The following ZDHHC1 variants were observed in gnomAD, a reference collection of about 807,000 sequenced individuals.
ZDHHC1 encodes the protein palmitoyltransferase ZDHHC1.
ZDHHC1 carries 45 observed loss-of-function variants against 46.9 expected under a neutral mutation model. The observed-to-expected ratio is 0.96, with a 90% CI of 0.76 to 1.23. The LOEUF is 1.23. ZDHHC1 is among the 50% of genes most tolerant of loss of function. ZDHHC1 has a pLI of 0.00. For synonymous variants in ZDHHC1, 291 were observed against 286.0 expected, an observed-to-expected ratio of 1.02 and a Z score of -0.18; for missense variants, 649 against 670.8, an observed-to-expected ratio of 0.97 and a Z score of 0.36.
chr16:67,400,726 A>T (rs2040535490), intron 4 of ZDHHC1, among the ~76,000 whole-genome samples: 1 of 152,212 alleles, frequency 6.6e-6, no homozygotes, highest in Non-Finnish European at 1.5e-5. Context: ...ATGTTTGGGC[A>T]GGGCCAAATG....
At chr16:67,399,513 G>C (rs908814309) in intron 4 of ZDHHC1, 57 bp from the exon 5 acceptor site, 1 of 1,471,006 alleles carries the variant, frequency 6.8e-7, no homozygotes, top group East Asian at 2.4e-5. Context: ...TCTGCGGCCC[G>C]GCCGGTCGGG....
chr16:67,414,907 TGGCTGG>T (rs1488211818), intron 1 of ZDHHC1, among the ~76,000 whole-genome samples: 25 of 152,298 alleles, frequency 1.6e-4, no homozygotes, highest in Non-Finnish European at 8.8e-5. Flanking sequence ...GAGGCCAAGG[TGGCTGG>T]ATCACCTGAG....
intron 8 of ZDHHC1, among the ~76,000 whole-genome samples, chr16:67,396,477 G>A (rs558307652): frequency 6.6e-6 from 1 of 152,200 alleles, no homozygotes; most frequent in South Asian, 2.1e-4. Context: ...ATGCAGAGAG[G>A]ACACTGTAAC....
rs1174435000 is a variant in ZDHHC1, at chr16:67,395,142, T to C, written c.1104+45A>G. 2.5e-6 allele frequency: 4 copies of C among 1,613,108 alleles called. No individual in the cohort carries two copies. The highest frequency in any genetic ancestry group is 3.4e-6 in the Non-Finnish European group (4 of 1,179,966). ...GAGCGCCAGGGTAGAGGCTTCTTTC[T>C]ATCCCACTCCACCTGGACCGGAGGC... On this transcript the variant is annotated intron_variant, in intron 10 of 11. Coordinates refer to ENST00000565726, the MANE Select transcript of ZDHHC1 (RefSeq NM_001323627.2).
rs1305982888 is a variant in ZDHHC1 at position 67,394,523 on chromosome 16, A to G, written c.*87T>C. 5.5e-6 allele frequency: 6 copies of G among 1,100,732 alleles called. No homozygotes were observed. The highest frequency in any genetic ancestry group is 3.3e-6 in the Non-Finnish European group (3 of 901,270). The allele number at this position is 1,100,732 out of a possible 1,614,324, so 68.2% of individuals were successfully genotyped here. A position where few individuals can be genotyped will look rare whatever the true frequency, so the allele number is the denominator to read the frequency against. On this transcript the variant is annotated 3_prime_UTR_variant, in exon 12 of 12. Coordinates refer to ENST00000565726, the MANE Select transcript of ZDHHC1 (RefSeq NM_001323627.2). ...GATCCCGCCGGCCGTAGGGGCCCCT[A>G]AAGTGCACTCGGTGCGGCAAGGATG... is the stretch of plus-strand genomic sequence containing the variant.
chr16:67,395,464 C>A lies in ZDHHC1; in HGVS notation c.1010+20G>T, dbSNP rs754736014. 4 of 1,551,312 alleles carry A rather than the reference C, an allele frequency of 2.6e-6. No homozygotes were observed. In the South Asian group the frequency reaches 4.8e-5, roughly 18 times the overall value. On this transcript the variant is annotated intron_variant, in intron 9 of 11. Coordinates refer to ENST00000565726, the MANE Select transcript of ZDHHC1 (RefSeq NM_001323627.2). ...TGCTAACTGGAGATGCCCAGTGGCA[C>A]ATGCCCAGGTTGCACTCACTTGGCA... is the stretch of plus-strand genomic sequence containing the variant.
chr16:67,397,270 C>G (rs2040451586), intron 8 of ZDHHC1, among the ~76,000 whole-genome samples: 2 of 152,366 alleles, frequency 1.3e-5, no homozygotes, highest in Middle Eastern at 6.8e-3. Flanking sequence ...CTCCTGCCTA[C>G]TTCTCTGGGC....
At position 67,401,315 on chromosome 16, in the gene ZDHHC1, C is replaced by T. The variant is rs1455397740; in HGVS notation, c.253-183G>A. Among the ~76,000 whole-genome samples, 1 of 152,214 alleles carries T rather than the reference C, an allele frequency of 6.6e-6. No individual in the cohort carries two copies. Among genetic ancestry groups the T allele is most frequent in the East Asian group, 1.9e-4 (1 of 5,196 alleles). ...AGACCTCTCCAGGTAACCCCTATGC[C>T]CCAAATGGAAAGAGGGAGAGGCCAT... is the stretch of plus-strand genomic sequence containing the variant. On this transcript the variant is annotated intron_variant, in intron 3 of 11. Transcript: ENST00000565726. This position sits in a 1 kb window ranked among gnomAD's most constrained non-coding sequence, Gnocchi z 4.6.
In ZDHHC1 at chr16:67,398,681, C is replaced by G; in HGVS notation, c.706G>C (p.Val236Leu). The change falls in exon 7 of 12, where the codon GTG becomes CTG. Residue 236 changes from valine (V) to leucine (L), a missense_variant. Physicochemically the swap from Val to Leu is conservative, Grantham distance 32. Transcript: ENST00000565726. ...VWFVFLPAAP[V>L]ETQAPAILAL... ...AGGATGGCAGGGGCCTGGGTCTCCA[C>G]GGGGGCGGCAGGCAGGAACACGAAC... The G allele has an allele frequency of 6.2e-7, 1 of 1,607,824 alleles. No individual in the cohort carries two copies. The highest frequency in any genetic ancestry group is 8.5e-7 in the Non-Finnish European group (1 of 1,177,980).
Position 67,398,687 on chromosome 16 carries a change from C to A in ZDHHC1, c.700G>T (p.Ala234Ser). 6.2e-7 allele frequency: 1 copy of A among 1,608,080 alleles called. No homozygotes were observed. The highest frequency in any genetic ancestry group is 8.5e-7 in the Non-Finnish European group (1 of 1,178,136). Residue 234 changes from alanine to serine, a missense_variant, in exon 7 of 12, where the codon GCC (alanine) becomes TCC (serine). Transcript: ENST00000565726. ...GCAGGGGCCTGGGTCTCCACGGGGGCGGCAGGCAGGAACACGAACCACACA... is the reference window on the plus strand; with the variant it reads ...GCAGGGGCCTGGGTCTCCACGGGGGAGGCAGGCAGGAACACGAACCACACA... Reference protein sequence around the residue: ...TDVWFVFLPAAPVETQAPAIL... With the variant: ...TDVWFVFLPASPVETQAPAIL...
rs372499395 is a variant in ZDHHC1, at chr16:67,394,891, G to A, written c.1168C>T (p.Pro390Ser). The A allele has an allele frequency of 2.3e-4, 365 of 1,562,674 alleles. 4 individuals carry two copies. In the South Asian group the frequency reaches 3.7e-3, roughly 16 times the overall value. Residue 390 changes from proline (P) to serine (S), a missense_variant and splice_region_variant, in exon 12 of 12, where the codon CCT (proline) becomes TCT (serine). Physicochemically the swap from Pro to Ser is moderately conservative, Grantham distance 74. Coordinates refer to ENST00000565726, the MANE Select transcript of ZDHHC1 (RefSeq NM_001323627.2). ...TSETSDPASG[P>S]RAPSRRSSSS... ...CTGGAGCGGCGGCTGGGGGCCCTAG[G>A]CCCTGCGCAAGGGAAGGGAACATGA...
Position 67,394,657 on chromosome 16 carries a change from T to A in ZDHHC1, c.1402A>T (p.Ser468Cys). Residue 468 changes from serine (S) to cysteine (C), a missense_variant, in exon 12 of 12, where the codon AGC (serine) becomes TGC (cysteine). Transcript: ENST00000565726. ...CCGCCCGGCGCCCTGGGCTCGCCGC[T>A]GCTCGGGCTCACGAAAACGGCGGGC... Reference protein sequence around the residue: ...RAPAVFVSPSSGEPRAPGGRE... With the variant: ...RAPAVFVSPSCGEPRAPGGRE... 1 of 1,238,222 alleles carries A rather than the reference T, an allele frequency of 8.1e-7. No homozygotes were observed. Among genetic ancestry groups the A allele is most frequent in the Non-Finnish European group, 1.0e-6 (1 of 992,692 alleles). The allele number at this position is 1,238,222 out of a possible 1,614,324, so 76.7% of individuals were successfully genotyped here.
chr16:67,399,507 C>T (rs375270831), intron 4 of ZDHHC1, 51 bp from the exon 5 acceptor site: 221 of 1,500,728 alleles, frequency 1.5e-4, no homozygotes, highest in Non-Finnish European at 1.9e-4. Flanking sequence ...CCCCGCTCTG[C>T]GGCCCGGCCG....
intron 1 of ZDHHC1, among the ~76,000 whole-genome samples, chr16:67,412,167 GCA>G: frequency 6.6e-6 from 1 of 151,782 alleles, no homozygotes; most frequent in East Asian, 1.9e-4. Flanking sequence ...ATTCCTATAC[GCA>G]CAGATTTTCT....
chr16:67,403,616 T>G (rs1441768169), intron 3 of ZDHHC1, among the ~76,000 whole-genome samples: 1 of 141,598 alleles, frequency 7.1e-6, no homozygotes, highest in Non-Finnish European at 1.5e-5. Context: ...TTGTTTTTTG[T>G]TTTTTTTTTT....
At chr16:67,414,918 C>A (rs558955607) in intron 1 of ZDHHC1, among the ~76,000 whole-genome samples, 2 of 152,196 alleles carry the variant, frequency 1.3e-5, no homozygotes, top group East Asian at 3.8e-4. Context: ...GGCTGGATCA[C>A]CTGAGGTCAG....
intron 1 of ZDHHC1, among the ~76,000 whole-genome samples, chr16:67,408,124 C>T (rs1005455429): frequency 6.6e-6 from 1 of 152,108 alleles, no homozygotes; most frequent in African/African-American, 2.4e-5. Context: ...ACTTAGTTTT[C>T]CCCCAGGGAT....
intron 1 of ZDHHC1, among the ~76,000 whole-genome samples, chr16:67,409,765 G>C (rs2040720316): frequency 6.6e-6 from 1 of 152,198 alleles, no homozygotes; most frequent in Non-Finnish European, 1.5e-5. Flanking sequence ...GACGTAGCCA[G>C]CTGGCACCCT....
chr16:67,406,183 C>A lies in ZDHHC1; in HGVS notation c.252+17G>T, dbSNP rs568844374. On this transcript the variant is annotated intron_variant, in intron 3 of 11. Coordinates refer to ENST00000565726, the MANE Select transcript of ZDHHC1 (RefSeq NM_001323627.2). The surrounding 1 kb of genome is among the most constrained non-coding windows in gnomAD (Gnocchi z 4.1). ...TCCCCACTTCCACACACCAGCCCTA[C>A]GCTTTCCCAAGGATACAGCGTAGCC... 2.5e-6 allele frequency: 4 copies of A among 1,612,470 alleles called. No individual in the cohort carries two copies. In the East Asian group the frequency reaches 8.9e-5, roughly 36 times the overall value.
Sources: gnomAD v4.1 joint callset for allele counts (sites outside exome capture counted in the v4.1 genomes callset) on GRCh38, gnomAD v4.1.1 for gene constraint, Gnocchi (gnomAD v3.1) non-coding constraint, MANE v1.5 for transcripts, NCBI Gene and HGNC (gene_info 2026-07-23, HGNC 2026-07-21) for gene names.